The following KCNH5 variants were observed in gnomAD, a reference collection of about 807,000 sequenced individuals.
The protein encoded by KCNH5 is potassium voltage-gated channel subfamily H member 5.
A neutral mutation model predicts 96.1 loss-of-function variants in KCNH5; 46 were observed. The observed-to-expected ratio is 0.48, with a 90% CI of 0.38 to 0.61. The LOEUF (loss-of-function observed/expected upper bound fraction) is 0.61. Among genes scored for constraint, KCNH5 ranks in the 20% least tolerant of loss-of-function variants. The pLI is 0.00. For synonymous variants in KCNH5, 439 were observed against 449.8 expected, an observed-to-expected ratio of 0.98 and a Z score of 0.30; for missense variants, 907 against 1,225.8, an observed-to-expected ratio of 0.74 and a Z score of 3.88.
chr14:62,869,670 G>A (rs1304971111), intron 7 of KCNH5, among the ~76,000 whole-genome samples: 1 of 151,752 alleles, frequency 6.6e-6, no homozygotes, highest in African/African-American at 2.4e-5. Flanking sequence ...AGGTCTTGGA[G>A]GCATCACACT....
chr14:62,879,895 C>T (rs1888458271), intron 7 of KCNH5, among the ~76,000 whole-genome samples: 1 of 152,150 alleles, frequency 6.6e-6, no homozygotes, highest in African/African-American at 2.4e-5. Flanking sequence ...AATCATAACA[C>T]AGTCTACATA....
chr14:62,779,931 A>AACAGTATAAGAT lies in KCNH5; in HGVS notation c.1823-19_1823-8dup. ...CCAAATACATCACCCTTCCCTAGAA[A>AACAGTATAAGAT]ACAGTATAAGATACATATTCAAGTA... On this transcript the variant is annotated splice_region_variant and splice_polypyrimidine_tract_variant and intron_variant, in intron 9 of 10. Transcript: ENST00000322893. 6.2e-7 allele frequency: 1 copy of AACAGTATAAGAT among 1,609,060 alleles called. No homozygotes were observed.
At chr14:62,942,921 T>C (rs12894226) in intron 7 of KCNH5, among the ~76,000 whole-genome samples, 107,931 of 152,080 alleles carry the variant, frequency 0.71, 39,354 homozygotes, top group East Asian at 0.99. Flanking sequence ...ACTGCATGGG[T>C]CAGCCTGTCT....
At chr14:62,955,312 C>T (rs921500679) in intron 6 of KCNH5, among the ~76,000 whole-genome samples, 4 of 152,056 alleles carry the variant, frequency 2.6e-5, no homozygotes, top group African/African-American at 9.7e-5. Context: ...CACTTCTATG[C>T]AGTTAACCAA....
At chr14:62,961,969 G>GGAGATGCAGATA (rs1198455636) in intron 6 of KCNH5, among the ~76,000 whole-genome samples, 28 of 151,936 alleles carry the variant, frequency 1.8e-4, no homozygotes, top group African/African-American at 6.5e-4. Flanking sequence ...AGATGGAGAC[G>GGAGATGCAGATA]GAGATGCAGA....
At chr14:62,840,432 A>G (rs891996230) in intron 8 of KCNH5, among the ~76,000 whole-genome samples, 4 of 152,158 alleles carry the variant, frequency 2.6e-5, no homozygotes, top group Non-Finnish European at 1.5e-5. Flanking sequence ...CCTTGACTCC[A>G]GACCCATGCC....
intron 7 of KCNH5, among the ~76,000 whole-genome samples, chr14:62,932,578 T>G (rs1336727191): frequency 6.6e-6 from 1 of 151,444 alleles, no homozygotes; most frequent in Non-Finnish European, 1.5e-5. Flanking sequence ...AACTTGTGAA[T>G]GAAATAACTC....
At chr14:62,712,540 G>T in intron 10 of KCNH5, 1 of 665,138 alleles carries the variant, frequency 1.5e-6, no homozygotes, top group South Asian at 1.7e-5. Context: ...AAATCCAAGG[G>T]GTCAGATTCC....
intron 7 of KCNH5, among the ~76,000 whole-genome samples, chr14:62,873,555 A>T (rs1301476298): frequency 6.6e-6 from 1 of 152,242 alleles, no homozygotes; most frequent in African/African-American, 2.4e-5. Flanking sequence ...CAGACATTAC[A>T]TATGGGAAGT....
chr14:62,945,297 C>T (rs955005093), intron 7 of KCNH5, among the ~76,000 whole-genome samples: 3 of 152,054 alleles, frequency 2.0e-5, no homozygotes, highest in African/African-American at 4.8e-5. Flanking sequence ...GGAATGACTA[C>T]ACCCCCAAAG....
intron 10 of KCNH5, among the ~76,000 whole-genome samples, chr14:62,749,076 G>A (rs921705526): frequency 2.6e-5 from 4 of 152,102 alleles, no homozygotes; most frequent in African/African-American, 4.8e-5. Flanking sequence ...TTTGATCAAA[G>A]CACAAGTTCT....
intron 4 of KCNH5, among the ~76,000 whole-genome samples, chr14:62,991,955 A>G (rs1255538096): frequency 1.3e-5 from 2 of 151,918 alleles, no homozygotes; most frequent in African/African-American, 4.8e-5. Flanking sequence ...CTCATTAAGA[A>G]TTTCTCATCA....
intron 8 of KCNH5, among the ~76,000 whole-genome samples, chr14:62,830,543 G>A (rs1346056559): frequency 1.3e-5 from 2 of 152,120 alleles, no homozygotes; most frequent in Admixed American, 1.3e-4. Flanking sequence ...GAGAGTAAGC[G>A]AGCAAGAGGG....
chr14:62,853,397 T>A (rs1246811282), intron 7 of KCNH5, among the ~76,000 whole-genome samples: 2 of 141,042 alleles, frequency 1.4e-5, no homozygotes, highest in Non-Finnish European at 3.0e-5. Context: ...CGACTAGGTA[T>A]CCAGAAATGC....
At chr14:62,712,023 G>A (rs76692661) in intron 10 of KCNH5, among the ~76,000 whole-genome samples, 4,730 of 152,174 alleles carry the variant, frequency 0.031, 125 homozygotes, top group South Asian at 0.081. Flanking sequence ...TTAGCAGCAG[G>A]GCCTGCTGAC....
At chr14:62,811,421 C>G (rs1454360619) in intron 8 of KCNH5, among the ~76,000 whole-genome samples, 1 of 152,122 alleles carries the variant, frequency 6.6e-6, no homozygotes, top group Non-Finnish European at 1.5e-5. Context: ...GCCATGTTCT[C>G]CCATTACTCT....
In KCNH5 at chr14:62,829,108, T is replaced by C. The variant is rs531664709; in HGVS notation, c.1569+20545A>G. ...CCCATGTCTAACATCCAAGGCATAC[T>C]GATGAAAAGTGTGGGCTCCCAAGGC... On this transcript the variant is annotated intron_variant, in intron 8 of 10. Transcript: ENST00000322893. Among the ~76,000 whole-genome samples the C allele has an allele frequency of 3.9e-5, 6 of 152,264 alleles. No homozygotes were observed. The South Asian group carries it at 8.3e-4, about 21-fold the overall frequency.
At chr14:62,890,274 CA>C (rs1888679496) in intron 7 of KCNH5, among the ~76,000 whole-genome samples, 2 of 152,080 alleles carry the variant, frequency 1.3e-5, no homozygotes, top group Non-Finnish European at 2.9e-5. Context: ...CAAAAGAAAC[CA>C]TCAATAGAGT....
In KCNH5 at chr14:62,826,160, G is replaced by A. The variant is rs533495433; in HGVS notation, c.1569+23493C>T. On this transcript the variant is annotated intron_variant, in intron 8 of 10. Transcript: ENST00000322893. ...ACTGAAAATGCTGTGTTAAAGTGTC[G>A]TATTATTTTTGTGCTATTTAAACTC... 8.7e-4 allele frequency among the ~76,000 whole-genome samples: 132 copies of A among 151,906 alleles called. 1 individual carries two copies. Among genetic ancestry groups the A allele is most frequent in the African/African-American group, 2.9e-3 (121 of 41,440 alleles).
Sources: allele counts gnomAD v4.1 joint callset (sites outside exome capture counted in the v4.1 genomes callset), GRCh38; gene constraint gnomAD v4.1.1; transcripts MANE v1.5; gene names NCBI Gene and HGNC (gene_info 2026-07-23, HGNC 2026-07-21).